Variants in PCDHGA11 observed in about 807,000 individuals in gnomAD.
PCDHGA11 encodes the protein protocadherin gamma subfamily A, 11.
PCDHGA11 carries 39 observed loss-of-function variants against 60.4 expected under a neutral mutation model. That is an observed-to-expected ratio of 0.65 (90% confidence interval 0.50 to 0.84). The LOEUF (loss-of-function observed/expected upper bound fraction) is 0.84, where lower values mean the gene tolerates loss of function less well. PCDHGA11 is among the 40% of genes least tolerant of loss of function. The pLI is 0.00. For missense variants in PCDHGA11, 1,165 were observed against 1,197.7 expected (o/e 0.97, Z 0.40); for synonymous variants, 533 against 510.3 (o/e 1.04, Z -0.60).
chr5:141,510,813 C>G, intron 3 of PCDHGA11, 134 bp from the exon 4 acceptor site: 2 of 1,537,024 alleles, frequency 1.3e-6, no homozygotes, highest in Non-Finnish European at 1.8e-6. Context: ...CTTGGTGACC[C>G]CTATATTCCC....
rs369529373 is a variant in PCDHGA11 at position 141,458,890 on chromosome 5, C to T, written c.2433+35230C>T. Among the ~76,000 whole-genome samples, 87 of 152,160 alleles carry T rather than the reference C, an allele frequency of 5.7e-4. 1 individual carries two copies. In the South Asian group the frequency reaches 0.016, roughly 28 times the overall value. ...TGGGACTACAGGCATGCACACCATG[C>T]GCAGCTAATTTTTTCTATTTTTTGT... On this transcript the variant is annotated intron_variant, in intron 1 of 3. Coordinates refer to ENST00000398587, the MANE Select transcript of PCDHGA11 (RefSeq NM_018914.3).
At chr5:141,481,779 C>T (rs1367771159) in intron 1 of PCDHGA11, among the ~76,000 whole-genome samples, 2 of 152,092 alleles carry the variant, frequency 1.3e-5, no homozygotes, top group Non-Finnish European at 2.9e-5. Flanking sequence ...TGGTGAAACC[C>T]CGTCTCTACT....
intron 1 of PCDHGA11, chr5:141,484,969 G>A: frequency 3.4e-6 from 2 of 584,588 alleles, no homozygotes; most frequent in Admixed American, 3.2e-5. Flanking sequence ...CCCGGGAGCC[G>A]CTGTCTGCCA....
chr5:141,433,313 C>T (rs2097582516), intron 1 of PCDHGA11: 5 of 866,388 alleles, frequency 5.8e-6, no homozygotes, highest in Admixed American at 2.8e-5. Context: ...CCCACCTTTG[C>T]CTCCGGTGTA....
chr5:141,444,305 A>G (rs62379165), intron 1 of PCDHGA11, among the ~76,000 whole-genome samples: 13,327 of 151,310 alleles, frequency 0.088, 765 homozygotes, highest in African/African-American at 0.16. Context: ...CCTAGTAGCT[A>G]GGATTACAGG....
At chr5:141,510,139 G>T (rs931012964) in intron 3 of PCDHGA11, among the ~76,000 whole-genome samples, 1 of 152,136 alleles carries the variant, frequency 6.6e-6, no homozygotes, top group Non-Finnish European at 1.5e-5. Context: ...CTGGGCTAGT[G>T]GTGTGCACCT....
chr5:141,478,736 T>C (rs2099474016), intron 1 of PCDHGA11: 1 of 1,534,678 alleles, frequency 6.5e-7, no homozygotes, highest in African/African-American at 1.4e-5. Flanking sequence ...GTGTGGTTTG[T>C]GGTCCCATTT....
At chr5:141,450,815 A>ATTAT (rs1554136868) in intron 1 of PCDHGA11, among the ~76,000 whole-genome samples, 98 of 126,742 alleles carry the variant, frequency 7.7e-4, no homozygotes, top group African/African-American at 3.1e-3. Flanking sequence ...TATTTATTTA[A>ATTAT]TATTATTATT....
chr5:141,503,528 G>A (rs1411240550), intron 2 of PCDHGA11, among the ~76,000 whole-genome samples: 2 of 151,470 alleles, frequency 1.3e-5, no homozygotes, highest in Non-Finnish European at 2.9e-5. Flanking sequence ...GAACCTGGGA[G>A]GCAGAGGTTG....
intron 2 of PCDHGA11, among the ~76,000 whole-genome samples, chr5:141,503,744 A>G (rs1310696654): frequency 2.0e-5 from 3 of 152,112 alleles, no homozygotes; most frequent in African/African-American, 4.8e-5. Context: ...GATGGTATAG[A>G]GGTCACACAT....
intron 2 of PCDHGA11, among the ~76,000 whole-genome samples, chr5:141,497,171 C>T (rs991574648): frequency 6.6e-6 from 1 of 151,148 alleles, no homozygotes; most frequent in African/African-American, 2.5e-5. Context: ...CCACAAATCA[C>T]AGTAAGTTCT....
rs1434523351 is a variant in PCDHGA11, at chr5:141,422,977, G to A, written c.1750G>A (p.Glu584Lys). The A allele has an allele frequency of 6.2e-7, 1 of 1,614,110 alleles. No individual in the cohort carries two copies. The highest frequency in any genetic ancestry group is 8.5e-7 in the Non-Finnish European group (1 of 1,180,050). The change falls in exon 1 of 4, where the codon GAA (glutamate) becomes AAA (lysine). Residue 584 changes from glutamate (E) to lysine (K), a missense_variant. Transcript: ENST00000398587. Reference protein sequence around the residue: ...TGVELAPRSAEPGYLVTKVVA... With the variant: ...TGVELAPRSAKPGYLVTKVVA... ...CGTGGAGCTGGCGCCCCGCTCTGCGGAACCTGGCTACCTGGTGACCAAGGT... is the reference window on the plus strand; with the variant it reads ...CGTGGAGCTGGCGCCCCGCTCTGCGAAACCTGGCTACCTGGTGACCAAGGT...
chr5:141,424,246 A>G (rs971050268), intron 1 of PCDHGA11: 2 of 154,772 alleles, frequency 1.3e-5, no homozygotes, highest in African/African-American at 4.8e-5. Context: ...GTGGCTGGTA[A>G]TATGCTTAGA....
rs745435492 is a variant in PCDHGA11, at chr5:141,489,215, A to G, written c.2434-5592A>G. The G allele has an allele frequency of 4.1e-6, 6 of 1,475,362 alleles. No homozygotes were observed. Among genetic ancestry groups the G allele is most frequent in the Non-Finnish European group, 5.5e-6 (6 of 1,093,140 alleles). 91.4% of individuals were successfully genotyped at this position (1,475,362 alleles called of 1,614,324 possible). A position where few individuals can be genotyped will look rare whatever the true frequency, so the allele number is the denominator to read the frequency against. ...CTTGGAGACAGGACAGCACAGACTT[A>G]CTCTCCACAAAGGGACTTCTGGGTC... On this transcript the variant is annotated intron_variant, in intron 1 of 3. Coordinates refer to ENST00000398587, the MANE Select transcript of PCDHGA11 (RefSeq NM_018914.3). The surrounding 1 kb of genome is among the most constrained non-coding windows in gnomAD (Gnocchi z 4.5).
rs2099385215 is a variant in PCDHGA11 at position 141,476,099 on chromosome 5, G to A, written c.2434-18708G>A. On this transcript the variant is annotated intron_variant, in intron 1 of 3. Coordinates refer to ENST00000398587, the MANE Select transcript of PCDHGA11 (RefSeq NM_018914.3). This position sits in a 1 kb window ranked among gnomAD's most constrained non-coding sequence, Gnocchi z 7.6. ...GGGACGATCTGGACCCCGCTGAGAGGAACTGCTTTTGAGTGAGATGGTCCC... is the reference window on the plus strand; with the variant it reads ...GGGACGATCTGGACCCCGCTGAGAGAAACTGCTTTTGAGTGAGATGGTCCC... 1 of 1,574,916 alleles carries A rather than the reference G, an allele frequency of 6.3e-7. No individual in the cohort carries two copies.
At chr5:141,469,552 C>T (rs956606902) in intron 1 of PCDHGA11, among the ~76,000 whole-genome samples, 3 of 151,910 alleles carry the variant, frequency 2.0e-5, no homozygotes, top group Non-Finnish European at 4.4e-5. Flanking sequence ...TCCAGCCTGG[C>T]GACAGAGTGA....
At chr5:141,501,983 C>T (rs957901405) in intron 2 of PCDHGA11, among the ~76,000 whole-genome samples, 1 of 152,068 alleles carries the variant, frequency 6.6e-6, no homozygotes, top group Non-Finnish European at 1.5e-5. Context: ...CATCTGGTCC[C>T]GTTGTCTCCC....
rs369004166 is a variant in PCDHGA11 at position 141,422,819 on chromosome 5, T to C, written c.1592T>C (p.Leu531Pro). Residue 531 changes from leucine (L) to proline (P), a missense_variant, in exon 1 of 4, where the codon CTG (leucine) becomes CCG (proline). Transcript: ENST00000398587. ...TATGAGCAGTTTCGAGACTTAGAACTGAGAGTGATAGCACGTGACAGCGGG... is the reference window on the plus strand; with the variant it reads ...TATGAGCAGTTTCGAGACTTAGAACCGAGAGTGATAGCACGTGACAGCGGG... ...FDYEQFRDLE[L>P]RVIARDSGDP... 2.5e-6 allele frequency: 4 copies of C among 1,614,068 alleles called. No individual in the cohort carries two copies. Among genetic ancestry groups the C allele is most frequent in the Non-Finnish European group, 2.5e-6 (3 of 1,180,050 alleles).
At chr5:141,473,335 C>T (rs1243738475) in intron 1 of PCDHGA11, among the ~76,000 whole-genome samples, 3 of 152,184 alleles carry the variant, frequency 2.0e-5, no homozygotes, top group Non-Finnish European at 4.4e-5. Context: ...GCCTGCTGTG[C>T]TAGACAGTGA....
Sources: allele counts gnomAD v4.1 joint callset (sites outside exome capture counted in the v4.1 genomes callset), GRCh38; gene constraint gnomAD v4.1.1; non-coding constraint Gnocchi (gnomAD v3.1); transcripts MANE v1.5; gene names NCBI Gene and HGNC (gene_info 2026-07-23, HGNC 2026-07-21).